The following CHP1 variants were observed in gnomAD, a reference collection of about 807,000 sequenced individuals.
The protein encoded by CHP1 is calcineurin like EF-hand protein 1, also known as calcineurin B homologous protein 1.
A neutral mutation model predicts 27.4 loss-of-function variants in CHP1; 11 were observed. The observed-to-expected ratio is 0.40, with a 90% CI of 0.25 to 0.67. CHP1 has a LOEUF of 0.67. CHP1 is among the 30% of genes least tolerant of loss of function. The probability of loss-of-function intolerance (pLI) is 0.38; values close to 1 mark genes in which losing one functional copy is unlikely to be tolerated. For synonymous variants in CHP1, 89 were observed against 87.4 expected (o/e 1.02, Z -0.10); for missense variants, 169 against 251.3 (o/e 0.67, Z 2.22).
At chr15:41,264,583 C>T (rs759613021) in intron 4 of CHP1, among the ~76,000 whole-genome samples, 3 of 152,002 alleles carry the variant, frequency 2.0e-5, no homozygotes, top group Admixed American at 1.3e-4. Flanking sequence ...GGACCACAGG[C>T]GTGTGCACTA....
chr15:41,266,206 C>A (rs1276725185), intron 4 of CHP1, among the ~76,000 whole-genome samples: 1 of 152,038 alleles, frequency 6.6e-6, no homozygotes, highest in Non-Finnish European at 1.5e-5. Context: ...TTGCTTGAAC[C>A]TGGGAGGCTG....
At chr15:41,244,350 TA>T (rs914680043) in intron 2 of CHP1, among the ~76,000 whole-genome samples, 11 of 152,162 alleles carry the variant, frequency 7.2e-5, no homozygotes, top group African/African-American at 2.7e-4. Context: ...CATTTTCCCA[TA>T]ATCCTTTCCC....
chr15:41,231,416 G>C lies in CHP1; in HGVS notation c.34G>C (p.Glu12Gln). The change falls in exon 1 of 7, where the codon GAA becomes CAA. Residue 12 changes from glutamate to glutamine, a missense_variant. Physicochemically the swap from Glu to Gln is conservative, Grantham distance 29. Transcript: ENST00000334660. ...TCGGGCCTCCACGTTACTGCGGGAC[G>C]AAGAGCTCGAGGAGATCAAGAAGGA... ...GSRASTLLRDEELEEIKKETG... is the reference protein window; with the variant it reads ...GSRASTLLRDQELEEIKKETG... 1 of 1,605,322 alleles carries C rather than the reference G, an allele frequency of 6.2e-7. No individual in the cohort carries two copies. The highest frequency in any genetic ancestry group is 8.5e-7 in the Non-Finnish European group (1 of 1,176,942).
intron 4 of CHP1, among the ~76,000 whole-genome samples, chr15:41,269,749 A>G (rs996255586): frequency 2.6e-5 from 4 of 152,062 alleles, no homozygotes. Flanking sequence ...TCTATTTAAG[A>G]CCCTTAATCT....
chr15:41,271,254 C>CAAAAA (rs143070752), intron 5 of CHP1, among the ~76,000 whole-genome samples: 2 of 75,712 alleles, frequency 2.6e-5, no homozygotes, highest in African/African-American at 1.1e-4. Context: ...GATTCCGTCT[C>CAAAAA]AAAAAAAAAA....
At chr15:41,249,224 G>C (rs1381967219) in intron 2 of CHP1, among the ~76,000 whole-genome samples, 1 of 152,086 alleles carries the variant, frequency 6.6e-6, no homozygotes, top group African/African-American at 2.4e-5. Flanking sequence ...CTATTGCCCA[G>C]GCTTGATTGC....
At chr15:41,270,701 A>G in intron 5 of CHP1, 83 bp downstream of exon 5, 1 of 1,111,958 alleles carries the variant, frequency 9.0e-7, no homozygotes, top group Non-Finnish European at 1.4e-6. Flanking sequence ...TCCTTTAGTA[A>G]GCATTTATTT....
chr15:41,273,474 C>G (rs999793345), intron 5 of CHP1, among the ~76,000 whole-genome samples: 1 of 151,968 alleles, frequency 6.6e-6, no homozygotes, highest in Non-Finnish European at 1.5e-5. Flanking sequence ...ATCCGCCTCC[C>G]AAGTTCAAGC....
At chr15:41,261,257 C>T (rs1174620076) in intron 3 of CHP1, among the ~76,000 whole-genome samples, 3 of 151,664 alleles carry the variant, frequency 2.0e-5, no homozygotes, top group Admixed American at 1.3e-4. Flanking sequence ...CAGTTTCAAG[C>T]GATTCTCCTG....
At chr15:41,241,554 A>G (rs2047307198) in intron 1 of CHP1, among the ~76,000 whole-genome samples, 1 of 152,212 alleles carries the variant, frequency 6.6e-6, no homozygotes, top group Admixed American at 6.5e-5. Flanking sequence ...TGAGCCATTT[A>G]TACCTGTCCG....
intron 1 of CHP1, among the ~76,000 whole-genome samples, chr15:41,238,612 G>A (rs951336733): frequency 2.2e-4 from 33 of 152,062 alleles, no homozygotes; most frequent in African/African-American, 4.6e-4. Flanking sequence ...CGGCTGAGGC[G>A]GGTGGATCAC....
chr15:41,244,897 T>G lies in CHP1; in HGVS notation c.140+1158T>G, dbSNP rs138592114. Among the ~76,000 whole-genome samples, 22 of 152,284 alleles carry G rather than the reference T, an allele frequency of 1.4e-4. No homozygotes were observed. In the East Asian group the frequency reaches 4.2e-3, roughly 29 times the overall value. On this transcript the variant is annotated intron_variant, in intron 2 of 6. Transcript: ENST00000334660. ...CATGTAATGAAGCTGTTGCCCTTCC[T>G]TTTGGCTGGCATGAAGCAGCTTAGG...
At chr15:41,264,286 A>C (rs1270811795) in intron 4 of CHP1, 17 of 1,020,898 alleles carry the variant, frequency 1.7e-5, no homozygotes, top group Non-Finnish European at 2.2e-5. Context: ...GGAGAGTGCG[A>C]GTGCCGAGGA....
intron 6 of CHP1, 139 bp downstream of exon 6, chr15:41,279,028 T>C (rs1595484576): frequency 7.5e-6 from 8 of 1,065,212 alleles, no homozygotes; most frequent in East Asian, 2.6e-5. Flanking sequence ...CTGGCTAACA[T>C]GGTGAAACCT....
intron 4 of CHP1, among the ~76,000 whole-genome samples, chr15:41,270,273 G>T (rs140563518): frequency 6.6e-6 from 1 of 151,880 alleles, no homozygotes; most frequent in Admixed American, 6.6e-5. Context: ...TTTTGGGGGG[G>T]GGCGTTTAAC....
chr15:41,247,893 C>T (rs184709184), intron 2 of CHP1, among the ~76,000 whole-genome samples: 3,019 of 151,642 alleles, frequency 0.02, 35 homozygotes, highest in Middle Eastern at 0.041. Flanking sequence ...GGTGTGAACC[C>T]GGGAGGCGGA....
intron 1 of CHP1, among the ~76,000 whole-genome samples, chr15:41,238,059 C>T (rs545940107): frequency 6.6e-6 from 1 of 152,282 alleles, no homozygotes; most frequent in South Asian, 2.1e-4. Context: ...TCTGCCACTT[C>T]TGCTTCGCAC....
chr15:41,270,663 C>T lies in CHP1; in HGVS notation c.411+45C>T, dbSNP rs184896786. 21 of 1,436,950 alleles carry T rather than the reference C, an allele frequency of 1.5e-5. 1 individual carries two copies. In the African/African-American group the frequency reaches 2.2e-4, roughly 15 times the overall value. The allele number at this position is 1,436,950 out of a possible 1,614,324, so 89.0% of individuals were successfully genotyped here. A position where few individuals can be genotyped will look rare whatever the true frequency, so the allele number is the denominator to read the frequency against. Reference sequence around the variant, plus strand: ...AGAACTTGTGCTTGGACTCTGCCTGCTTATTAGTGTGGGCAGGAACTATTC... The same window carrying T: ...AGAACTTGTGCTTGGACTCTGCCTGTTTATTAGTGTGGGCAGGAACTATTC... On this transcript the variant is annotated intron_variant, in intron 5 of 6. Transcript: ENST00000334660.
At chr15:41,250,393 G>A (rs11858115) in intron 2 of CHP1, among the ~76,000 whole-genome samples, 78,149 of 151,784 alleles carry the variant, frequency 0.51, 21,948 homozygotes, top group African/African-American at 0.75. Flanking sequence ...TTGCCATAGA[G>A]ATTGTTTTTT....
Sources: gnomAD v4.1 joint callset for allele counts (sites outside exome capture counted in the v4.1 genomes callset) on GRCh38, gnomAD v4.1.1 for gene constraint, MANE v1.5 for transcripts, NCBI Gene and HGNC (gene_info 2026-07-23, HGNC 2026-07-21) for gene names.